PATJ: variants seen among roughly 807,000 people sequenced by gnomAD.
PATJ encodes the protein inaD-like protein.
PATJ carries 190 observed loss-of-function variants against 224.9 expected under a neutral mutation model. The observed-to-expected ratio is 0.84, with a 90% confidence interval of 0.75 to 0.95. The LOEUF is 0.95. Among genes scored for constraint, PATJ ranks in the 40% least tolerant of loss-of-function variants. PATJ has a pLI of 0.00. For missense variants in PATJ, 2,121 were observed against 2,270.3 expected (o/e 0.93, Z 1.34); for synonymous variants, 769 against 820.3 (o/e 0.94, Z 1.07).
Position 62,136,324 on chromosome 1 carries a change from G to A in PATJ, c.5271+7379G>A, listed in dbSNP as rs533308268. 5.3e-5 allele frequency among the ~76,000 whole-genome samples: 8 copies of A among 151,022 alleles called. No homozygotes were observed. The East Asian group carries it at 9.9e-4, about 19-fold the overall frequency. ...TGGGATTACAGGTGTGAGCCGCCACGCCCAGCCCGATCATTAAATTTTTAA... is the reference window on the plus strand; with the variant it reads ...TGGGATTACAGGTGTGAGCCGCCACACCCAGCCCGATCATTAAATTTTTAA... On this transcript the variant is annotated intron_variant, in intron 41 of 43. Transcript: ENST00000642238.
chr1:62,038,053 A>G lies in PATJ; in HGVS notation c.4032+4A>G, dbSNP rs764931405. 2.5e-6 allele frequency: 4 copies of G among 1,577,084 alleles called. No individual in the cohort carries two copies. Among genetic ancestry groups the G allele is most frequent in the Non-Finnish European group, 3.5e-6 (4 of 1,153,432 alleles). On this transcript the variant is annotated splice_donor_region_variant and intron_variant, in intron 30 of 43. Coordinates refer to ENST00000642238, the MANE Select transcript of PATJ (RefSeq NM_001350145.3). Reference sequence around the variant, plus strand: ...AAGTTCTCCATCTTCTATTGAGGTAAGGTTGTTTCTAATTAGCTCTTAGTA... The same window carrying G: ...AAGTTCTCCATCTTCTATTGAGGTAGGGTTGTTTCTAATTAGCTCTTAGTA...
At chr1:62,102,478 G>GA (rs1662294412) in intron 33 of PATJ, among the ~76,000 whole-genome samples, 1 of 152,104 alleles carries the variant, frequency 6.6e-6, no homozygotes, top group South Asian at 2.1e-4. Context: ...ATTTGTCTTA[G>GA]AAAAAAATCA....
chr1:61,965,988 G>T (rs534540490), intron 27 of PATJ, among the ~76,000 whole-genome samples: 1 of 152,110 alleles, frequency 6.6e-6, no homozygotes, highest in Admixed American at 6.6e-5. Flanking sequence ...CACAACTTCC[G>T]CCTCCCATGT....
At chr1:61,873,171 T>A (rs1469179150) in intron 20 of PATJ, among the ~76,000 whole-genome samples, 2 of 152,088 alleles carry the variant, frequency 1.3e-5, no homozygotes, top group Admixed American at 1.3e-4. Flanking sequence ...TTTCTTATTT[T>A]TATTATTTAT....
At chr1:61,839,801 T>G (rs975396510) in intron 17 of PATJ, among the ~76,000 whole-genome samples, 10 of 152,038 alleles carry the variant, frequency 6.6e-5, no homozygotes, top group Non-Finnish European at 1.3e-4. Context: ...TATTCCTCAT[T>G]CCTCTCCCCT....
chr1:62,106,154 G>GTATATATATATATATATATA (rs1357638316), intron 33 of PATJ, among the ~76,000 whole-genome samples: 7 of 48,448 alleles, frequency 1.4e-4, no homozygotes, highest in African/African-American at 3.4e-4. Context: ...ATGTGTGTGT[G>GTATATATATATATATATATA]TGTGTATATA....
At chr1:62,019,458 G>T (rs1646954681) in intron 29 of PATJ, among the ~76,000 whole-genome samples, 1 of 151,988 alleles carries the variant, frequency 6.6e-6, no homozygotes, top group South Asian at 2.1e-4. Context: ...GGCAGAGGTT[G>T]CAGTGAGCCG....
At chr1:62,157,828 C>T (rs1669389755) in intron 43 of PATJ, among the ~76,000 whole-genome samples, 1 of 72,982 alleles carries the variant, frequency 1.4e-5, no homozygotes, top group Admixed American at 2.2e-4. Flanking sequence ...GAGACTCTGT[C>T]TCCAAAAAAA....
At chr1:61,936,432 C>CAAAAAAAA (rs11455787) in intron 27 of PATJ, among the ~76,000 whole-genome samples, 2 of 92,712 alleles carry the variant, frequency 2.2e-5, no homozygotes, top group Non-Finnish European at 4.0e-5. Context: ...CTTCCAAGAC[C>CAAAAAAAA]AAAAAAAAAA....
chr1:61,994,616 G>A (rs1045103757), intron 28 of PATJ, among the ~76,000 whole-genome samples: 5 of 151,244 alleles, frequency 3.3e-5, no homozygotes, highest in Admixed American at 2.6e-4. Flanking sequence ...GTGCAATGGC[G>A]CCACCTTGGC....
intron 14 of PATJ, among the ~76,000 whole-genome samples, chr1:61,822,419 G>T (rs1321074864): frequency 8.4e-6 from 1 of 119,224 alleles, no homozygotes; most frequent in East Asian, 2.8e-4. Flanking sequence ...AACAGAGCGA[G>T]ACTGTGTCAG....
chr1:61,859,165 T>C (rs746289385), intron 18 of PATJ, among the ~76,000 whole-genome samples: 35 of 152,204 alleles, frequency 2.3e-4, no homozygotes, highest in Non-Finnish European at 4.3e-4. Context: ...AGCCTTTACC[T>C]TCAAGCAGTT....
intron 22 of PATJ, among the ~76,000 whole-genome samples, chr1:61,898,405 A>AT (rs34243564): frequency 1.4e-3 from 201 of 144,602 alleles, no homozygotes; most frequent in Non-Finnish European, 1.7e-3. Flanking sequence ...TGCCCAGCTA[A>AT]TTTTTTTTTT....
At chr1:61,911,670 C>T (rs1045634695) in intron 25 of PATJ, among the ~76,000 whole-genome samples, 2 of 145,694 alleles carry the variant, frequency 1.4e-5, no homozygotes, top group African/African-American at 5.2e-5. Context: ...CTGCACTTCA[C>T]AGAAATTCCA....
chr1:61,887,234 C>A (rs1466678410), intron 22 of PATJ, among the ~76,000 whole-genome samples: 2 of 151,966 alleles, frequency 1.3e-5, no homozygotes, highest in African/African-American at 2.4e-5. Flanking sequence ...CACTTGGAAT[C>A]ACCTTGGATA....
intron 37 of PATJ, chr1:62,120,941 T>C (rs1371142849): frequency 4.7e-6 from 2 of 423,328 alleles, no homozygotes; most frequent in East Asian, 7.3e-5. Flanking sequence ...ACCTTGGTGA[T>C]TGAAACCATA....
chr1:61,905,059 A>G (rs1269522436), intron 24 of PATJ, among the ~76,000 whole-genome samples: 2 of 146,786 alleles, frequency 1.4e-5, no homozygotes, highest in African/African-American at 5.0e-5. Flanking sequence ...TCTATCTACA[A>G]AGAAACTACC....
chr1:62,086,246 G>GTGTGTGTGTGTGTGTGTGTGTGTA lies in PATJ; in HGVS notation c.4377+1611_4377+1612insGTGTGTGTGTATGTGTGTGTGTGT, dbSNP rs1485900733. Reference sequence around the variant, plus strand: ...TTAATGCATGTGTGTGTGTGTGTATGTGTGTGTGTGTGTTTAATACCTGCA... The same window carrying GTGTGTGTGTGTGTGTGTGTGTGTA: ...TTAATGCATGTGTGTGTGTGTGTATGTGTGTGTGTGTGTGTGTGTGTGTATGTGTGTGTGTGTTTAATACCTGCA... On this transcript the variant is annotated intron_variant, in intron 33 of 43. Coordinates refer to ENST00000642238, the MANE Select transcript of PATJ (RefSeq NM_001350145.3). The surrounding 1 kb of genome is among the most constrained non-coding windows in gnomAD (Gnocchi z 4.0). Among the ~76,000 whole-genome samples the GTGTGTGTGTGTGTGTGTGTGTGTA allele has an allele frequency of 6.0e-3, 909 of 151,460 alleles. 6 individuals are homozygous for GTGTGTGTGTGTGTGTGTGTGTGTA. The highest frequency in any genetic ancestry group is 0.014 in the Middle Eastern group (4 of 292).
At chr1:61,900,889 A>G (rs923168428) in intron 23 of PATJ, among the ~76,000 whole-genome samples, 15 of 152,148 alleles carry the variant, frequency 9.9e-5, no homozygotes, top group African/African-American at 3.6e-4. Context: ...GCGCCAAGCC[A>G]TATGTGGCTT....
Sources: gnomAD v4.1 joint callset for allele counts (sites outside exome capture counted in the v4.1 genomes callset) on GRCh38, gnomAD v4.1.1 for gene constraint, Gnocchi (gnomAD v3.1) non-coding constraint, MANE v1.5 for transcripts, NCBI Gene and HGNC (gene_info 2026-07-23, HGNC 2026-07-21) for gene names.